Variants in SLC10A7 observed in about 807,000 individuals in gnomAD.
The protein encoded by SLC10A7 is sodium/bile acid cotransporter 7.
Under a neutral mutation model 43.2 loss-of-function variants are expected in SLC10A7, and 29 were observed. The observed-to-expected ratio is 0.67, with a 90% CI of 0.50 to 0.92. The LOEUF (loss-of-function observed/expected upper bound fraction) is 0.92. SLC10A7 is among the 40% of genes least tolerant of loss of function. The probability of loss-of-function intolerance (pLI) is 0.00; values close to 1 mark genes in which losing one functional copy is unlikely to be tolerated. For missense variants in SLC10A7, 295 were observed against 403.2 expected (o/e 0.73, Z 2.30); for synonymous variants, 152 against 144.8 (o/e 1.05, Z -0.35).
At chr4:146,464,525 T>C (rs1352394684) in intron 4 of SLC10A7, among the ~76,000 whole-genome samples, 1 of 152,146 alleles carries the variant, frequency 6.6e-6, no homozygotes, top group Non-Finnish European at 1.5e-5. Flanking sequence ...GAACATTGTA[T>C]GTGACTAAGA....
At chr4:146,259,376 G>T (rs1298418965) in intron 10 of SLC10A7, among the ~76,000 whole-genome samples, 1 of 152,180 alleles carries the variant, frequency 6.6e-6, no homozygotes, top group Non-Finnish European at 1.5e-5. Flanking sequence ...TTCCCTTTCA[G>T]CCAAGGATCT....
intron 5 of SLC10A7, among the ~76,000 whole-genome samples, chr4:146,372,955 AT>A (rs1258590022): frequency 2.6e-5 from 4 of 152,174 alleles, no homozygotes; most frequent in African/African-American, 9.7e-5. Flanking sequence ...ATTTGCTAGA[AT>A]CCATTTGTTC....
At chr4:146,339,538 A>C (rs1405415724) in intron 5 of SLC10A7, among the ~76,000 whole-genome samples, 1 of 151,918 alleles carries the variant, frequency 6.6e-6, no homozygotes, top group Non-Finnish European at 1.5e-5. Context: ...CAATGGTCCT[A>C]AGAAAGGTTT....
intron 4 of SLC10A7, among the ~76,000 whole-genome samples, chr4:146,493,499 AAGAGAGAG>A (rs975087385): frequency 6.6e-6 from 1 of 151,732 alleles, no homozygotes; most frequent in African/African-American, 2.4e-5. Flanking sequence ...AAAAAAAAAA[AAGAGAGAG>A]AGGGAGAGAG....
intron 5 of SLC10A7, among the ~76,000 whole-genome samples, chr4:146,408,162 T>A (rs1350681583): frequency 3.3e-5 from 5 of 152,150 alleles, no homozygotes; most frequent in African/African-American, 1.2e-4. Flanking sequence ...CAGCGGTGCC[T>A]TTTCCCTTTC....
At chr4:146,520,468 TC>T (rs1738522524) in intron 1 of SLC10A7, among the ~76,000 whole-genome samples, 1 of 152,194 alleles carries the variant, frequency 6.6e-6, no homozygotes, top group Non-Finnish European at 1.5e-5. Context: ...AAACAAACAA[TC>T]CTTCATCTCC....
At chr4:146,291,108 C>T (rs747838984) in intron 9 of SLC10A7, among the ~76,000 whole-genome samples, 2 of 152,166 alleles carry the variant, frequency 1.3e-5, no homozygotes, top group African/African-American at 2.4e-5. Flanking sequence ...TAGTCATTAA[C>T]AGGATATCTG....
intron 5 of SLC10A7, among the ~76,000 whole-genome samples, chr4:146,429,273 A>C (rs1042540540): frequency 6.6e-6 from 1 of 152,192 alleles, no homozygotes; most frequent in South Asian, 2.1e-4. Flanking sequence ...TTGTCAAAAG[A>C]ATTCAACATA....
rs576422962 is a variant in SLC10A7 at position 146,350,273 on chromosome 4, A to T, written c.436-24277T>A. On this transcript the variant is annotated intron_variant, in intron 5 of 11. Transcript: ENST00000335472. ...TCTGAGTCAAAGAAAGGGGTGACAGACGCACCTGGAAAATCGGGTCACTCC... is the reference window on the plus strand; with the variant it reads ...TCTGAGTCAAAGAAAGGGGTGACAGTCGCACCTGGAAAATCGGGTCACTCC... 6.3e-4 allele frequency among the ~76,000 whole-genome samples: 95 copies of T among 151,796 alleles called. No individual in the cohort carries two copies. In the East Asian group the frequency reaches 0.015, roughly 23 times the overall value.
intron 4 of SLC10A7, among the ~76,000 whole-genome samples, chr4:146,503,286 C>G (rs762135161): frequency 1.3e-5 from 2 of 152,130 alleles, no homozygotes; most frequent in African/African-American, 2.4e-5. Context: ...ACCTTTCAAC[C>G]AAGGAAGAAC....
At chr4:146,433,906 A>AGTT (rs1410204469) in intron 5 of SLC10A7, among the ~76,000 whole-genome samples, 1 of 152,184 alleles carries the variant, frequency 6.6e-6, no homozygotes, top group Non-Finnish European at 1.5e-5. Flanking sequence ...GTTTAGCAAT[A>AGTT]TCAAGAATAT....
chr4:146,360,807 T>C (rs1735991043), intron 5 of SLC10A7, among the ~76,000 whole-genome samples: 1 of 152,080 alleles, frequency 6.6e-6, no homozygotes. Flanking sequence ...AAGAGTACTT[T>C]CCCAAGTTCG....
intron 4 of SLC10A7, among the ~76,000 whole-genome samples, chr4:146,503,332 C>T (rs548714749): frequency 1.3e-5 from 2 of 152,328 alleles, no homozygotes; most frequent in Non-Finnish European, 2.9e-5. Flanking sequence ...ACAATTGCTA[C>T]TCCAATATAC....
At chr4:146,440,602 C>G (rs1462415131) in intron 5 of SLC10A7, among the ~76,000 whole-genome samples, 2 of 152,052 alleles carry the variant, frequency 1.3e-5, no homozygotes, top group Non-Finnish European at 2.9e-5. Context: ...TCTCTTAAGC[C>G]AAACCTAATT....
intron 7 of SLC10A7, 31 bp from the exon 8 acceptor site, chr4:146,294,126 T>G: frequency 6.6e-7 from 1 of 1,514,132 alleles, no homozygotes; most frequent in Non-Finnish European, 9.0e-7. Context: ...GGTTGCCTCT[T>G]TTCAGAGATG....
chr4:146,448,555 GAGGTTACTAA>G (rs1731314046), intron 4 of SLC10A7, among the ~76,000 whole-genome samples: 1 of 151,760 alleles, frequency 6.6e-6, no homozygotes, highest in Non-Finnish European at 1.5e-5. Flanking sequence ...CTTCCCTTAT[GAGGTTACTAA>G]ATAAAAAAAA....
chr4:146,334,003 C>T (rs1428622808), intron 5 of SLC10A7, among the ~76,000 whole-genome samples: 1 of 152,084 alleles, frequency 6.6e-6, no homozygotes, highest in Non-Finnish European at 1.5e-5. Flanking sequence ...GACTAGTAGA[C>T]TGTTCAATTA....
chr4:146,359,453 G>GT (rs915250976), intron 5 of SLC10A7, among the ~76,000 whole-genome samples: 1 of 151,836 alleles, frequency 6.6e-6, no homozygotes, highest in African/African-American at 2.4e-5. Flanking sequence ...GTTCACCTAT[G>GT]TTTTTTTCTA....
intron 11 of SLC10A7, among the ~76,000 whole-genome samples, chr4:146,257,268 C>T (rs959244025): frequency 4.6e-5 from 7 of 152,130 alleles, no homozygotes; most frequent in African/African-American, 1.7e-4. Context: ...CAACCAACTC[C>T]GAGTAGGAGG....
Sources: gnomAD v4.1 joint callset for allele counts (sites outside exome capture counted in the v4.1 genomes callset) on GRCh38, gnomAD v4.1.1 for gene constraint, MANE v1.5 for transcripts, NCBI Gene and HGNC (gene_info 2026-07-23, HGNC 2026-07-21) for gene names.